The following GSE1 variants were observed in gnomAD, a reference collection of about 807,000 sequenced individuals.
The protein encoded by GSE1 is Gse1 coiled-coil protein.
A neutral mutation model predicts 112.6 loss-of-function variants in GSE1; 32 were observed. The ratio of observed to expected loss-of-function variants is 0.28; its 90% CI spans 0.21 to 0.38. The LOEUF (loss-of-function observed/expected upper bound fraction) is 0.38, where lower values mean the gene tolerates loss of function less well. Among genes scored for constraint, GSE1 ranks in the 10% least tolerant of loss-of-function variants. The pLI, the probability that GSE1 is intolerant of heterozygous loss-of-function variation, is 1.00. For missense variants in GSE1, 2,348 were observed against 1,699.2 expected (o/e 1.38, Z -6.71); for synonymous variants, 1,115 against 735.6 (o/e 1.52, Z -8.35).
At chr16:85,541,472 G>A (rs2044516469) in intron 2 of GSE1, among the ~76,000 whole-genome samples, 2 of 152,240 alleles carry the variant, frequency 1.3e-5, no homozygotes, top group Admixed American at 1.3e-4. Context: ...CCTGGGCCAA[G>A]TGAAAACCCT....
At chr16:85,176,766 T>C (rs999832374) in intron 1 of GSE1, among the ~76,000 whole-genome samples, 15 of 152,240 alleles carry the variant, frequency 9.9e-5, no homozygotes, top group Admixed American at 9.2e-4. Context: ...CAACCACCTT[T>C]CTTCTCTGCA....
At position 85,373,493 on chromosome 16, in the gene GSE1, G is replaced by C. The variant is rs1307626161; in HGVS notation, c.2464+15850G>C. On this transcript the variant is annotated intron_variant, in intron 2 of 2. Coordinates refer to the GSE1 transcript ENST00000637419. The surrounding 1 kb of genome is among the most constrained non-coding windows in gnomAD (Gnocchi z 5.1). ...TCCAGCTCAGCCTGTCTCCCCATTT[G>C]TGAAGTAGGGATGCTGTGGCAGCTG... Among the ~76,000 whole-genome samples the C allele has an allele frequency of 6.6e-6, 1 of 152,170 alleles. No homozygotes were observed. The highest frequency in any genetic ancestry group is 1.5e-5 in the Non-Finnish European group (1 of 68,020).
intron 1 of GSE1, among the ~76,000 whole-genome samples, chr16:85,627,044 C>CTTTGTTTTTTTTTTTTTTTTTTTTTT (rs2049132433): frequency 4.0e-5 from 1 of 25,060 alleles, no homozygotes; most frequent in Non-Finnish European, 7.1e-5. Context: ...TTCTTCTTGC[C>CTTTGTTTTTTTTTTTTTTTTTTTTTT]TTTTTTTTTT....
exon 1 of GSE1, chr16:85,169,941 C>T: frequency 2.0e-6 from 2 of 984,598 alleles, no homozygotes; most frequent in African/African-American, 1.7e-5. Flanking sequence ...GCGAGTGGAA[C>T]GTCGCCTACG....
intron 1 of GSE1, among the ~76,000 whole-genome samples, chr16:85,326,876 C>T (rs576636070): frequency 1.2e-4 from 18 of 152,372 alleles, no homozygotes; most frequent in African/African-American, 3.6e-4. Flanking sequence ...ACATTTCTTC[C>T]GGTTGTCTAT....
chr16:85,277,603 C>T (rs571620707), intron 1 of GSE1, among the ~76,000 whole-genome samples: 4 of 152,318 alleles, frequency 2.6e-5, no homozygotes, highest in African/African-American at 7.2e-5. Context: ...CCACAGGTGC[C>T]TCATCCAGCC....
At chr16:85,469,077 A>T (rs113557397) in intron 2 of GSE1, among the ~76,000 whole-genome samples, 5,009 of 152,214 alleles carry the variant, frequency 0.033, 250 homozygotes, top group African/African-American at 0.11. Flanking sequence ...CAATGTGGCA[A>T]AATCCCATCT....
At chr16:85,624,495 G>A (rs187123620) in intron 1 of GSE1, among the ~76,000 whole-genome samples, 11 of 152,228 alleles carry the variant, frequency 7.2e-5, no homozygotes, top group African/African-American at 2.4e-4. Flanking sequence ...TATAGCACTA[G>A]GGTGGGCACC....
chr16:85,565,406 C>CAAA (rs71153804), intron 1 of GSE1, among the ~76,000 whole-genome samples: 30 of 141,942 alleles, frequency 2.1e-4, no homozygotes, highest in Admixed American at 7.5e-4. Flanking sequence ...AAAAAAAAAA[C>CAAA]AAAAAAAAAC....
intron 1 of GSE1, among the ~76,000 whole-genome samples, chr16:85,272,449 A>G (rs1360347172): frequency 6.6e-6 from 1 of 152,080 alleles, no homozygotes; most frequent in African/African-American, 2.4e-5. Flanking sequence ...TTTCCTGGAA[A>G]ACGGTCTGGT....
intron 1 of GSE1, among the ~76,000 whole-genome samples, chr16:85,348,327 C>T (rs1343179428): frequency 7.7e-6 from 1 of 130,678 alleles, no homozygotes; most frequent in Non-Finnish European, 1.7e-5. Flanking sequence ...CATCCATCCA[C>T]TGCCTATCCA....
At chr16:85,380,492 A>C (rs980394280) in intron 2 of GSE1, among the ~76,000 whole-genome samples, 2 of 125,366 alleles carry the variant, frequency 1.6e-5, no homozygotes, top group Admixed American at 1.9e-4. Context: ...AAGCAGGGTG[A>C]GGCAAGGTGG....
intron 1 of GSE1, chr16:85,593,324 A>G (rs1406217422): frequency 8.4e-6 from 1 of 119,460 alleles, no homozygotes. Context: ...CCCTGGCTCC[A>G]TGGGGCCCAG....
chr16:85,283,355 G>A (rs1024856830), intron 1 of GSE1: 1 of 152,776 alleles, frequency 6.5e-6, no homozygotes, highest in African/African-American at 2.4e-5. Context: ...CCGGAGAGTG[G>A]GTGCCAACCC....
intron 1 of GSE1, among the ~76,000 whole-genome samples, chr16:85,206,270 C>T (rs899392709): frequency 1.3e-5 from 2 of 152,108 alleles, no homozygotes; most frequent in African/African-American, 2.4e-5. Context: ...TTGGGGGAAG[C>T]CCGGGCCGGA....
chr16:85,651,040 C>A (rs1205021893), intron 3 of GSE1, among the ~76,000 whole-genome samples: 1 of 123,240 alleles, frequency 8.1e-6, no homozygotes, highest in Non-Finnish European at 1.8e-5. Flanking sequence ...CTCCCCCTCC[C>A]CCTCCGCCCC....
intron 1 of GSE1, among the ~76,000 whole-genome samples, chr16:85,219,561 A>G (rs1483390021): frequency 6.6e-6 from 1 of 152,150 alleles, no homozygotes; most frequent in Non-Finnish European, 1.5e-5. Context: ...CAGCATGAGT[A>G]CACTCACTGC....
chr16:85,492,662 C>T (rs1007461564), intron 2 of GSE1, among the ~76,000 whole-genome samples: 1 of 152,182 alleles, frequency 6.6e-6, no homozygotes, highest in Non-Finnish European at 1.5e-5. Context: ...CAGGTAGTTT[C>T]CAGATTCAGC....
At chr16:85,305,099 T>C (rs2151468894) in intron 1 of GSE1, among the ~76,000 whole-genome samples, 1 of 152,318 alleles carries the variant, frequency 6.6e-6, no homozygotes, top group Non-Finnish European at 1.5e-5. Flanking sequence ...CCGCAGCTTG[T>C]CCTGGTGGGC....
Sources: allele counts gnomAD v4.1 joint callset (sites outside exome capture counted in the v4.1 genomes callset), GRCh38; gene constraint gnomAD v4.1.1; non-coding constraint Gnocchi (gnomAD v3.1); transcripts MANE v1.5; gene names NCBI Gene and HGNC (gene_info 2026-07-23, HGNC 2026-07-21).